Variants in RUFY3 observed in about 807,000 individuals in gnomAD.
RUFY3 encodes RUN and FYVE domain containing 3, also known as protein RUFY3.
In RUFY3, 34 loss-of-function variants were observed where a neutral mutation model predicts 84.0. The ratio of observed to expected loss-of-function variants is 0.40; its 90% CI spans 0.31 to 0.54. The LOEUF is 0.54. Ranked by LOEUF, RUFY3 falls within the 20% of genes least tolerant of loss-of-function variation. RUFY3 has a pLI of 0.39. For synonymous variants in RUFY3, 242 were observed against 252.9 expected, an observed-to-expected ratio of 0.96 and a Z score of 0.41; for missense variants, 507 against 736.8, an observed-to-expected ratio of 0.69 and a Z score of 3.61.
At chr4:70,759,003 A>G (rs1332321969) in intron 1 of RUFY3, among the ~76,000 whole-genome samples, 4 of 151,820 alleles carry the variant, frequency 2.6e-5, no homozygotes, top group Non-Finnish European at 5.9e-5. Context: ...GTGCCACTGC[A>G]CTCCAGCCTG....
intron 4 of RUFY3, among the ~76,000 whole-genome samples, chr4:70,768,114 T>C (rs1003929755): frequency 6.6e-6 from 1 of 152,148 alleles, no homozygotes; most frequent in African/African-American, 2.4e-5. Context: ...GGATTACAGG[T>C]GCGAACCACC....
chr4:70,722,588 G>T lies in RUFY3; in HGVS notation c.15G>T (p.Thr5=), dbSNP rs139588067. 1 of 1,612,890 alleles carries T rather than the reference G, an allele frequency of 6.2e-7. No individual in the cohort carries two copies. Residue 5 remains threonine (T), a synonymous_variant, in exon 1 of 18, where the codon ACG becomes ACT. Transcript: ENST00000381006. ...GCTGAGTCATCATGTCTGCTCTGAC[G>T]CCTCCGACCGATATGCCAACCCCCA... MSAL[T]PPTDMPTPTT... is the part of the protein sequence containing the mutation.
intron 2 of RUFY3, 36 bp downstream of exon 2, chr4:70,762,728 GC>G (rs775878774): frequency 6.4e-7 from 1 of 1,572,962 alleles, no homozygotes; most frequent in Non-Finnish European, 8.7e-7. Flanking sequence ...TATGCATGCA[GC>G]TGTTTTCTAG....
chr4:70,756,053 C>A (rs905812643), intron 1 of RUFY3, among the ~76,000 whole-genome samples: 1 of 151,570 alleles, frequency 6.6e-6, no homozygotes, highest in Non-Finnish European at 1.5e-5. Flanking sequence ...TAGTCCAGTG[C>A]TCTTGCTGTA....
intron 1 of RUFY3, among the ~76,000 whole-genome samples, chr4:70,733,157 AGAGAGAG>A (rs1560464309): frequency 2.5e-4 from 37 of 147,624 alleles, no homozygotes; most frequent in African/African-American, 8.9e-4. Context: ...AGAGAGAGAG[AGAGAGAG>A]AGAAAGAAAG....
chr4:70,726,600 C>T (rs896952496), intron 1 of RUFY3, among the ~76,000 whole-genome samples: 25 of 152,296 alleles, frequency 1.6e-4, no homozygotes, highest in Admixed American at 1.4e-3. Context: ...CTCGAACTCC[C>T]GACCTCAGGT....
chr4:70,772,300 T>C (rs1305246292), intron 5 of RUFY3, among the ~76,000 whole-genome samples: 1 of 152,108 alleles, frequency 6.6e-6, no homozygotes, highest in Admixed American at 6.5e-5. Context: ...CAGTCAGCCC[T>C]CTGCGTCCTT....
At chr4:70,804,263 A>C in intron 16 of RUFY3, 85 bp from the exon 17 acceptor site, 1 of 1,040,894 alleles carries the variant, frequency 9.6e-7, no homozygotes, top group Non-Finnish European at 1.5e-6. Context: ...TGATTATATT[A>C]ATATTGTAGG....
intron 1 of RUFY3, among the ~76,000 whole-genome samples, chr4:70,730,572 C>CAAAAAAAAAAAAAAAAAAAAAA (rs796173421): frequency 9.4e-6 from 1 of 106,552 alleles, no homozygotes; most frequent in Non-Finnish European, 2.0e-5. Context: ...ACTAAAAATA[C>CAAAAAAAAAAAAAAAAAAAAAA]AAAAAAAAAA....
chr4:70,755,951 GAA>G (rs112202020), intron 1 of RUFY3, among the ~76,000 whole-genome samples: 12 of 124,944 alleles, frequency 9.6e-5, no homozygotes, highest in East Asian at 2.2e-4. Flanking sequence ...ATTCTGTCTC[GAA>G]AAAAAAAAAA....
chr4:70,708,826 C>G (rs1254592334), intron 1 of RUFY3, among the ~76,000 whole-genome samples: 1 of 152,114 alleles, frequency 6.6e-6, no homozygotes, highest in Non-Finnish European at 1.5e-5. Context: ...AGGAGTATCA[C>G]TTGAGCCCAG....
intron 4 of RUFY3, among the ~76,000 whole-genome samples, chr4:70,767,019 C>T (rs1006196090): frequency 2.0e-5 from 3 of 152,032 alleles, no homozygotes; most frequent in African/African-American, 7.2e-5. Context: ...GAGTATATGG[C>T]CTTTTCAGAC....
At position 70,793,496 on chromosome 4, in the gene RUFY3, T is replaced by C. The variant is rs985718871; in HGVS notation, c.1338-289T>C. 20 of 1,215,996 alleles carry C rather than the reference T, an allele frequency of 1.6e-5. No individual in the cohort carries two copies. In the South Asian group the frequency reaches 3.5e-4, roughly 21 times the overall value. The allele number at this position is 1,215,996 out of a possible 1,614,324, so 75.3% of individuals were successfully genotyped here. ...ATATGGATTTTCTAAAAAGTGATGT[T>C]TTATTGTTTATCATCTAATGGCTGT... On this transcript the variant is annotated intron_variant, in intron 12 of 17. Transcript: ENST00000381006.
At chr4:70,803,168 G>T in intron 16 of RUFY3, 185 bp downstream of exon 16, 1 of 466,536 alleles carries the variant, frequency 2.1e-6, no homozygotes, top group African/African-American at 2.0e-5. Flanking sequence ...GCTTTGAGCA[G>T]TTTACTAAGT....
At chr4:70,801,056 T>C (rs570383342) in intron 15 of RUFY3, among the ~76,000 whole-genome samples, 1 of 152,080 alleles carries the variant, frequency 6.6e-6, no homozygotes, top group African/African-American at 2.4e-5. Context: ...TTTTTATAGT[T>C]ATTTTAGCAG....
intron 1 of RUFY3, chr4:70,741,668 G>A (rs868176509): frequency 3.3e-6 from 5 of 1,520,490 alleles, no homozygotes; most frequent in Non-Finnish European, 2.6e-6. Context: ...GCAAATGCGC[G>A]ATGATACAGA....
chr4:70,801,260 G>GTATTATCATACAGAGTATGATAA (rs1321245966), intron 15 of RUFY3, among the ~76,000 whole-genome samples: 6 of 151,874 alleles, frequency 4.0e-5, no homozygotes, highest in Admixed American at 6.6e-5. Flanking sequence ...GGACTACTCT[G>GTATTATCATACAGAGTATGATAA]TATGATACTA....
At chr4:70,737,982 CTT>C (rs747096904) in intron 1 of RUFY3, among the ~76,000 whole-genome samples, 7,603 of 121,034 alleles carry the variant, frequency 0.063, 432 homozygotes, top group East Asian at 0.16. Flanking sequence ...CTATTAATTC[CTT>C]TTTTTTTTTT....
rs575281512 is a variant in RUFY3 at position 70,705,296 on chromosome 4, T to G, written c.358+2T>G. ...GCAGCAGCGGCAGCGGCAAGCACCG[T>G]GAGTGGCGGAGGGGCATGGGGACGC... On this transcript the variant is annotated splice_donor_variant, in intron 1 of 11. Coordinates refer to the RUFY3 transcript ENST00000417478. LOFTEE classifies it high-confidence loss of function. 1 of 1,400,736 alleles carries G rather than the reference T, an allele frequency of 7.1e-7. No individual in the cohort carries two copies. Among genetic ancestry groups the G allele is most frequent in the East Asian group, 3.1e-5 (1 of 32,462 alleles). The allele number at this position is 1,400,736 out of a possible 1,614,324, so 86.8% of individuals were successfully genotyped here.
Sources: gnomAD v4.1 joint callset for allele counts (sites outside exome capture counted in the v4.1 genomes callset) on GRCh38, gnomAD v4.1.1 for gene constraint, MANE v1.5 for transcripts, NCBI Gene and HGNC (gene_info 2026-07-23, HGNC 2026-07-21) for gene names.